THSD7A: variants seen among roughly 807,000 people sequenced by gnomAD.
THSD7A encodes the protein thrombospondin type-1 domain-containing protein 7A.
Under a neutral mutation model 231.3 loss-of-function variants are expected in THSD7A, and 96 were observed. That is an observed-to-expected ratio of 0.41 (90% CI 0.35 to 0.49). THSD7A has a LOEUF of 0.49. THSD7A is among the 20% of genes least tolerant of loss of function. THSD7A has a pLI of 0.05. For synonymous variants in THSD7A, 940 were observed against 743.3 expected, an observed-to-expected ratio of 1.26 and a Z score of -4.30; for missense variants, 2,290 against 2,070.2, an observed-to-expected ratio of 1.11 and a Z score of -2.06.
chr7:11,476,360 CA>C (rs1786180435), intron 7 of THSD7A, among the ~76,000 whole-genome samples: 1 of 148,308 alleles, frequency 6.7e-6, no homozygotes, highest in Non-Finnish European at 1.5e-5. Flanking sequence ...CACACACACA[CA>C]CCATTTTTTT....
chr7:11,395,640 G>T (rs1783155576), intron 23 of THSD7A, among the ~76,000 whole-genome samples: 4 of 151,078 alleles, frequency 2.6e-5, no homozygotes, highest in Non-Finnish European at 5.9e-5. Flanking sequence ...TGATTCTCCT[G>T]CCTCAGCCTC....
At chr7:11,510,016 C>T (rs1787738026) in intron 6 of THSD7A, among the ~76,000 whole-genome samples, 1 of 151,694 alleles carries the variant, frequency 6.6e-6, no homozygotes, top group Non-Finnish European at 1.5e-5. Flanking sequence ...CACACCATAC[C>T]CATAAATACA....
At chr7:11,568,801 G>A (rs1456993042) in intron 4 of THSD7A, among the ~76,000 whole-genome samples, 1 of 151,674 alleles carries the variant, frequency 6.6e-6, no homozygotes, top group African/African-American at 2.4e-5. Flanking sequence ...CTTTTCAGAT[G>A]GCATGATTGT....
At chr7:11,629,755 C>T (rs574574926) in intron 2 of THSD7A, among the ~76,000 whole-genome samples, 27 of 152,262 alleles carry the variant, frequency 1.8e-4, no homozygotes, top group Non-Finnish European at 3.4e-4. Flanking sequence ...TCAGTATGAA[C>T]TGATCTGTAG....
At chr7:11,623,880 T>C (rs778977489) in intron 2 of THSD7A, among the ~76,000 whole-genome samples, 6 of 152,172 alleles carry the variant, frequency 3.9e-5, no homozygotes, top group Non-Finnish European at 8.8e-5. Context: ...GACTTTCGTC[T>C]ATTGAGGACG....
In THSD7A at chr7:11,831,794, G is replaced by T. The variant is rs199733492; in HGVS notation, c.153C>A (p.Gly51=). ...GATAGAGGGTGGGCGCCTCCGCCTC[G>T]CCCTGCGCCGCAGCCCTGCCGGCGC... The part of the protein sequence containing the change: ...RPGAGRAAAQ[G]EAEAPTLYLW... Residue 51 remains glycine (G), a synonymous_variant, in exon 1 of 28, where the codon GGC becomes GGA. Coordinates refer to ENST00000423059, the MANE Select transcript of THSD7A (RefSeq NM_015204.3). The surrounding 1 kb of genome is among the most constrained non-coding windows in gnomAD (Gnocchi z 5.0). 2.0e-6 allele frequency: 3 copies of T among 1,471,874 alleles called. No individual in the cohort carries two copies. Among genetic ancestry groups the T allele is most frequent in the East Asian group, 2.7e-5 (1 of 36,580 alleles). The allele number at this position is 1,471,874 out of a possible 1,614,324, so 91.2% of individuals were successfully genotyped here.
intron 1 of THSD7A, among the ~76,000 whole-genome samples, chr7:11,783,348 T>G (rs950700737): frequency 6.6e-6 from 1 of 152,138 alleles, no homozygotes; most frequent in East Asian, 1.9e-4. Context: ...TCTCATATAA[T>G]TTACTGAAAG....
At chr7:11,544,423 G>A (rs1161106332) in intron 4 of THSD7A, among the ~76,000 whole-genome samples, 1 of 152,066 alleles carries the variant, frequency 6.6e-6, no homozygotes. Flanking sequence ...ATGATTGGGT[G>A]AGCCCACACT....
chr7:11,559,863 G>C (rs914381644), intron 4 of THSD7A, among the ~76,000 whole-genome samples: 1 of 152,112 alleles, frequency 6.6e-6, no homozygotes, highest in South Asian at 2.1e-4. Flanking sequence ...AAGTTGTTTT[G>C]ATCAAAATGT....
At chr7:11,729,584 G>C (rs114475561) in intron 1 of THSD7A, among the ~76,000 whole-genome samples, 3,466 of 151,832 alleles carry the variant, frequency 0.023, 111 homozygotes, top group African/African-American at 0.079. Flanking sequence ...GTGAACACAA[G>C]CATCATTTAT....
chr7:11,732,029 G>A (rs1224272164), intron 1 of THSD7A, among the ~76,000 whole-genome samples: 1 of 151,546 alleles, frequency 6.6e-6, no homozygotes, highest in Non-Finnish European at 1.5e-5. Flanking sequence ...ACACATTTAT[G>A]TATATATTAA....
chr7:11,824,168 T>C (rs1784957251), intron 1 of THSD7A, among the ~76,000 whole-genome samples: 1 of 152,096 alleles, frequency 6.6e-6, no homozygotes, highest in Non-Finnish European at 1.5e-5. Context: ...TCTCTTGTAT[T>C]AGGAAAGATA....
At chr7:11,430,108 C>T (rs1431954271) in intron 13 of THSD7A, among the ~76,000 whole-genome samples, 1 of 152,188 alleles carries the variant, frequency 6.6e-6, no homozygotes. Context: ...AGAAAACACT[C>T]TGCCTTGCCA....
intron 16 of THSD7A, among the ~76,000 whole-genome samples, chr7:11,420,703 G>A (rs1316253045): frequency 2.6e-5 from 4 of 152,186 alleles, no homozygotes; most frequent in African/African-American, 9.7e-5. Flanking sequence ...CAGATCCACT[G>A]ACAGCTTGCA....
intron 1 of THSD7A, among the ~76,000 whole-genome samples, chr7:11,659,496 A>G (rs1306973661): frequency 6.6e-6 from 1 of 151,344 alleles, no homozygotes; most frequent in Non-Finnish European, 1.5e-5. Context: ...TTTTGGCACA[A>G]TTGCCTTCTA....
intron 1 of THSD7A, among the ~76,000 whole-genome samples, chr7:11,806,793 T>G (rs1784409645): frequency 6.6e-6 from 1 of 152,050 alleles, no homozygotes; most frequent in Admixed American, 6.6e-5. Context: ...AGTACACAGT[T>G]AAGAATAAGC....
intron 1 of THSD7A, among the ~76,000 whole-genome samples, chr7:11,730,480 T>C (rs1468175346): frequency 1.3e-5 from 2 of 151,640 alleles, no homozygotes; most frequent in African/African-American, 2.4e-5. Context: ...ATTTACGTAA[T>C]GTATTATAAT....
At chr7:11,655,534 A>G (rs1177805428) in intron 1 of THSD7A, among the ~76,000 whole-genome samples, 1 of 151,888 alleles carries the variant, frequency 6.6e-6, no homozygotes, top group African/African-American at 2.4e-5. Context: ...TCTTCCTAAT[A>G]AGACTCTTGT....
chr7:11,817,308 T>G (rs542194341), intron 1 of THSD7A, among the ~76,000 whole-genome samples: 2 of 152,338 alleles, frequency 1.3e-5, no homozygotes, highest in South Asian at 4.1e-4. Context: ...AAAGGAACTT[T>G]GGAACCCACA....
Sources: gnomAD v4.1 joint callset for allele counts (sites outside exome capture counted in the v4.1 genomes callset) on GRCh38, gnomAD v4.1.1 for gene constraint, Gnocchi (gnomAD v3.1) non-coding constraint, MANE v1.5 for transcripts, NCBI Gene and HGNC (gene_info 2026-07-23, HGNC 2026-07-21) for gene names.